The following GRIK3 variants were observed in gnomAD, a reference collection of about 807,000 sequenced individuals.
GRIK3 encodes glutamate receptor ionotropic, kainate 3.
GRIK3 carries 29 observed loss-of-function variants against 102.5 expected under a neutral mutation model. That is an observed-to-expected ratio of 0.28 (90% CI 0.21 to 0.39). The LOEUF (loss-of-function observed/expected upper bound fraction) is 0.39. Ranked by LOEUF, GRIK3 falls within the 10% of genes least tolerant of loss-of-function variation. GRIK3 has a pLI of 1.00. For missense variants in GRIK3, 908 were observed against 1,252.4 expected (o/e 0.73, Z 4.15); for synonymous variants, 511 against 504.9 (o/e 1.01, Z -0.16).
intron 13 of GRIK3, among the ~76,000 whole-genome samples, chr1:36,807,116 C>T (rs1316667892): frequency 6.6e-6 from 1 of 152,082 alleles, no homozygotes; most frequent in African/African-American, 2.4e-5. Flanking sequence ...TCAGCTACAC[C>T]AGAGCCCAGG....
chr1:36,903,512 A>G (rs1641253360), intron 1 of GRIK3, among the ~76,000 whole-genome samples: 1 of 152,262 alleles, frequency 6.6e-6, no homozygotes. Flanking sequence ...AAAAGCCTGC[A>G]CATGGATGTG....
chr1:36,814,464 G>A (rs1446161118), intron 13 of GRIK3, among the ~76,000 whole-genome samples: 1 of 148,118 alleles, frequency 6.8e-6, no homozygotes, highest in South Asian at 2.1e-4. Flanking sequence ...CACACACCCA[G>A]AGACACATTC....
intron 1 of GRIK3, among the ~76,000 whole-genome samples, chr1:36,973,445 A>T (rs558811703): frequency 1.6e-4 from 23 of 141,766 alleles, no homozygotes; most frequent in African/African-American, 5.8e-4. Flanking sequence ...TTTGAGACAG[A>T]ATCTCGCTTT....
intron 1 of GRIK3, among the ~76,000 whole-genome samples, chr1:36,964,090 A>G (rs982402297): frequency 6.6e-6 from 1 of 152,224 alleles, no homozygotes; most frequent in African/African-American, 2.4e-5. Context: ...GGTGCTAAGA[A>G]GCCGTGGGCC....
intron 3 of GRIK3, among the ~76,000 whole-genome samples, chr1:36,877,151 C>T (rs1640919806): frequency 6.6e-6 from 1 of 152,146 alleles, no homozygotes; most frequent in Admixed American, 6.5e-5. Context: ...AGCATCAGCT[C>T]TGGCCAGTTT....
At chr1:36,808,424 A>G (rs2124180190) in intron 13 of GRIK3, among the ~76,000 whole-genome samples, 1 of 152,370 alleles carries the variant, frequency 6.6e-6, no homozygotes, top group African/African-American at 2.4e-5. Flanking sequence ...AAATTAGGTT[A>G]CAAGAGACTG....
At chr1:36,866,043 C>T (rs892811990) in intron 5 of GRIK3, among the ~76,000 whole-genome samples, 1 of 152,184 alleles carries the variant, frequency 6.6e-6, no homozygotes, top group African/African-American at 2.4e-5. Flanking sequence ...CCGACTATGC[C>T]TGGCTAATAT....
At chr1:36,807,226 A>G (rs1317531132) in intron 13 of GRIK3, among the ~76,000 whole-genome samples, 1 of 152,122 alleles carries the variant, frequency 6.6e-6, no homozygotes, top group African/African-American at 2.4e-5. Context: ...GGGGAGACGC[A>G]GAGAGGTCAC....
intron 1 of GRIK3, among the ~76,000 whole-genome samples, chr1:36,912,084 A>G (rs1641351554): frequency 6.6e-6 from 1 of 151,796 alleles, no homozygotes; most frequent in Non-Finnish European, 1.5e-5. Flanking sequence ...GCTGTTTCTC[A>G]CCACTCCCTT....
chr1:36,969,543 T>G (rs1354916565), intron 1 of GRIK3, among the ~76,000 whole-genome samples: 3 of 152,158 alleles, frequency 2.0e-5, no homozygotes, highest in Admixed American at 6.5e-5. Context: ...GCCCTGGAGG[T>G]GCAGAATGAA....
In GRIK3 at chr1:36,880,941, A is replaced by G. The variant is rs1438187567; in HGVS notation, c.293-50T>C. 2 of 1,541,730 alleles carry G rather than the reference A, an allele frequency of 1.3e-6. No individual in the cohort carries two copies. The highest frequency in any genetic ancestry group is 1.8e-6 in the Non-Finnish European group (2 of 1,140,228). On this transcript the variant is annotated intron_variant, in intron 2 of 15. Coordinates refer to ENST00000373091, the MANE Select transcript of GRIK3 (RefSeq NM_000831.4). This position sits in a 1 kb window ranked among gnomAD's most constrained non-coding sequence, Gnocchi z 5.4. ...AGGGGTCAGCACTGGGGCTGTGGGT[A>G]TGGGGACAGTGATGCTGATGATCCT...
intron 1 of GRIK3, among the ~76,000 whole-genome samples, chr1:36,942,210 G>A (rs1185835916): frequency 3.9e-5 from 6 of 152,188 alleles, no homozygotes; most frequent in Admixed American, 2.0e-4. Context: ...TGAATTCTCC[G>A]TCGAGCAGGT....
At chr1:36,991,673 C>T (rs1642365017) in intron 1 of GRIK3, among the ~76,000 whole-genome samples, 1 of 152,230 alleles carries the variant, frequency 6.6e-6, no homozygotes, top group South Asian at 2.1e-4. Context: ...ACCTCACATT[C>T]CCCAGTTGAA....
At chr1:36,868,440 A>C (rs1640809369) in intron 5 of GRIK3, among the ~76,000 whole-genome samples, 1 of 152,134 alleles carries the variant, frequency 6.6e-6, no homozygotes, top group Non-Finnish European at 1.5e-5. Flanking sequence ...GGAGAATCGC[A>C]GGGTGGCTCC....
chr1:36,826,487 G>A (rs939307209), intron 10 of GRIK3, among the ~76,000 whole-genome samples: 3 of 152,074 alleles, frequency 2.0e-5, no homozygotes, highest in African/African-American at 7.2e-5. Flanking sequence ...ACATAACATA[G>A]TGAGACTCCA....
At chr1:37,018,249 G>A (rs982993404) in intron 1 of GRIK3, among the ~76,000 whole-genome samples, 3 of 152,172 alleles carry the variant, frequency 2.0e-5, no homozygotes, top group African/African-American at 4.8e-5. Context: ...GGCCTGGTTC[G>A]GTAACACCAG....
chr1:36,926,459 C>T (rs1182694164), intron 1 of GRIK3, among the ~76,000 whole-genome samples: 2 of 151,604 alleles, frequency 1.3e-5, no homozygotes, highest in African/African-American at 2.4e-5. Context: ...AGTATGATCT[C>T]GGCTCACTGC....
Position 36,824,512 on chromosome 1 carries a change from A to G in GRIK3, c.1754+1091T>C, listed in dbSNP as rs1308602834. Among the ~76,000 whole-genome samples the G allele has an allele frequency of 3.3e-5, 5 of 152,286 alleles. No individual in the cohort carries two copies. The East Asian group carries it at 5.8e-4, about 18-fold the overall frequency. On this transcript the variant is annotated intron_variant, in intron 11 of 15. Transcript: ENST00000373091. ...CACAGCCTTCCCTTTGGTCTCTCAC[A>G]GCGTGGGAGGAGGGAGCGGAAGGGA...
intron 1 of GRIK3, among the ~76,000 whole-genome samples, chr1:36,908,645 A>G (rs988952650): frequency 6.6e-6 from 1 of 152,252 alleles, no homozygotes; most frequent in Non-Finnish European, 1.5e-5. Context: ...TGATTAACGC[A>G]TAATCTTAAT....
Sources: allele counts gnomAD v4.1 joint callset (sites outside exome capture counted in the v4.1 genomes callset), GRCh38; gene constraint gnomAD v4.1.1; non-coding constraint Gnocchi (gnomAD v3.1); transcripts MANE v1.5; gene names NCBI Gene and HGNC (gene_info 2026-07-23, HGNC 2026-07-21).